The following SEC61A2 variants were observed in gnomAD, a reference collection of about 807,000 sequenced individuals.
SEC61A2 encodes the protein SEC61 translocon subunit alpha 2.
SEC61A2 carries 28 observed loss-of-function variants against 59.9 expected under a neutral mutation model. The ratio of observed to expected loss-of-function variants is 0.47; its 90% confidence interval spans 0.35 to 0.64. The LOEUF (loss-of-function observed/expected upper bound fraction) is 0.64, where lower values mean the gene tolerates loss of function less well. Among genes scored for constraint, SEC61A2 ranks in the 30% least tolerant of loss-of-function variants. The probability of loss-of-function intolerance (pLI) is 0.01; values close to 1 mark genes in which losing one functional copy is unlikely to be tolerated. For synonymous variants in SEC61A2, 202 were observed against 214.4 expected (o/e 0.94, Z 0.50); for missense variants, 340 against 585.9 (o/e 0.58, Z 4.33).
chr10:12,137,960 C>G (rs573147873), intron 3 of SEC61A2, among the ~76,000 whole-genome samples: 12 of 152,254 alleles, frequency 7.9e-5, no homozygotes, highest in Non-Finnish European at 1.6e-4. Flanking sequence ...GAGCTGAGAT[C>G]ACGCCATTGC....
intron 1 of SEC61A2, among the ~76,000 whole-genome samples, chr10:12,131,617 T>C (rs1262116384): frequency 6.6e-6 from 1 of 151,188 alleles, no homozygotes; most frequent in Non-Finnish European, 1.5e-5. Context: ...AGTACTTTTC[T>C]ATTACCTGGG....
chr10:12,132,565 G>T (rs1833779666), intron 1 of SEC61A2, among the ~76,000 whole-genome samples: 1 of 150,734 alleles, frequency 6.6e-6, no homozygotes, highest in African/African-American at 2.5e-5. Flanking sequence ...ACTGAGCCGA[G>T]ATCGTGCCGC....
In SEC61A2 at chr10:12,129,924, G is replaced by A. The variant is rs1221917828; in HGVS notation, c.7+130G>A. Reference sequence around the variant, plus strand: ...TGCGCGGGCCGCTCCGGGCCTCAGCGGAGGGCACGGGCCGGGGGCCTCCGC... The same window carrying A: ...TGCGCGGGCCGCTCCGGGCCTCAGCAGAGGGCACGGGCCGGGGGCCTCCGC... On this transcript the variant is annotated intron_variant, in intron 1 of 11. Transcript: ENST00000298428. This position sits in a 1 kb window ranked among gnomAD's most constrained non-coding sequence, Gnocchi z 5.6. 8 of 832,312 alleles carry A rather than the reference G, an allele frequency of 9.6e-6. No homozygotes were observed. The highest frequency in any genetic ancestry group is 1.3e-5 in the Non-Finnish European group (8 of 608,198). The allele number at this position is 832,312 out of a possible 1,614,324, so 51.6% of individuals were successfully genotyped here. A position where few individuals can be genotyped will look rare whatever the true frequency, so the allele number is the denominator to read the frequency against.
chr10:12,155,371 T>A lies in SEC61A2; in HGVS notation c.463-407T>A. ...AGTGTACATTTCCATCTTGCTATTATACCAGAATTCATCTGACTTTTTACT... is the reference window on the plus strand; with the variant it reads ...AGTGTACATTTCCATCTTGCTATTAAACCAGAATTCATCTGACTTTTTACT... On this transcript the variant is annotated intron_variant, in intron 6 of 11. Coordinates refer to ENST00000298428, the MANE Select transcript of SEC61A2 (RefSeq NM_018144.4). The surrounding 1 kb of genome is among the most constrained non-coding windows in gnomAD (Gnocchi z 4.3). 6.4e-7 allele frequency: 1 copy of A among 1,565,864 alleles called. No homozygotes were observed. The highest frequency in any genetic ancestry group is 8.6e-7 in the Non-Finnish European group (1 of 1,158,654).
In SEC61A2 at chr10:12,149,669, A is replaced by C; in HGVS notation, c.295A>C (p.Ile99Leu). 2.5e-6 allele frequency: 4 copies of C among 1,614,014 alleles called. No homozygotes were observed. In the South Asian group the frequency reaches 4.4e-5, roughly 18 times the overall value. Residue 99 changes from isoleucine to leucine, a missense_variant, in exon 5 of 12, where the codon ATC becomes CTC. This residue lies in a region of SEC61A2 where 283 missense variants were observed against 483.2 expected (regional missense o/e 0.59). Transcript: ENST00000298428. This position sits in a 1 kb window ranked among gnomAD's most constrained non-coding sequence, Gnocchi z 5.2. Reference protein sequence around the residue: ...LIMQLLAGAKIIEVGDTPKDR... With the variant: ...LIMQLLAGAKLIEVGDTPKDR... ...TATGCAGTTGTTAGCTGGAGCCAAA[A>C]TCATTGAAGTTGGAGATACACCGAA...
chr10:12,148,736 A>T (rs1471219449), intron 4 of SEC61A2, among the ~76,000 whole-genome samples: 1 of 139,982 alleles, frequency 7.1e-6, no homozygotes, highest in Non-Finnish European at 1.6e-5. Context: ...GACGGCCAGG[A>T]TGGTCTCAAT....
chr10:12,150,929 C>T (rs989331675), intron 6 of SEC61A2, among the ~76,000 whole-genome samples: 2 of 152,092 alleles, frequency 1.3e-5, no homozygotes, highest in Non-Finnish European at 2.9e-5. Flanking sequence ...TGCCTGCCAC[C>T]ACGCCCAGCT....
intron 6 of SEC61A2, among the ~76,000 whole-genome samples, chr10:12,151,605 C>T (rs966160846): frequency 2.0e-5 from 3 of 151,532 alleles, no homozygotes; most frequent in South Asian, 4.2e-4. Flanking sequence ...CCACTGTGCC[C>T]GGCCAGGTAT....
In SEC61A2 at chr10:12,153,361, A is replaced by C. The variant is rs1374121387; in HGVS notation, c.463-2417A>C. 6.6e-6 allele frequency among the ~76,000 whole-genome samples: 1 copy of C among 152,190 alleles called. No homozygotes were observed. The highest frequency in any genetic ancestry group is 1.5e-5 in the Non-Finnish European group (1 of 68,046). ...TTTTTAGAAGACACTTAGAACTGGCATGTAGCTCGTAGAACATTATACATC... is the reference window on the plus strand; with the variant it reads ...TTTTTAGAAGACACTTAGAACTGGCCTGTAGCTCGTAGAACATTATACATC... On this transcript the variant is annotated intron_variant, in intron 6 of 11. Transcript: ENST00000298428. This position sits in a 1 kb window ranked among gnomAD's most constrained non-coding sequence, Gnocchi z 5.2.
downstream of SEC61A2, chr10:12,167,585 C>CT (rs1834734037): frequency 1.0e-6 from 1 of 979,030 alleles, no homozygotes; most frequent in Admixed American, 2.3e-5. Flanking sequence ...CTGTTCTGTG[C>CT]TTTTATTTTA....
chr10:12,166,462 T>G, downstream of SEC61A2: 1 of 237,262 alleles, frequency 4.2e-6, no homozygotes, highest in South Asian at 4.8e-5. Context: ...ATTTCCATAA[T>G]TGTTTTATCT....
chr10:12,156,401 A>C lies in SEC61A2; in HGVS notation c.616+470A>C, dbSNP rs1834396773. On this transcript the variant is annotated intron_variant, in intron 7 of 11. Coordinates refer to ENST00000298428, the MANE Select transcript of SEC61A2 (RefSeq NM_018144.4). This position sits in a 1 kb window ranked among gnomAD's most constrained non-coding sequence, Gnocchi z 5.2. ...TTTCATTCTCTCTTTCCCCTTCCTC[A>C]TCTCCACTTCTAACAGATACTGTCC... Among the ~76,000 whole-genome samples, 1 of 152,166 alleles carries C rather than the reference A, an allele frequency of 6.6e-6. No homozygotes were observed. Among genetic ancestry groups the C allele is most frequent in the African/African-American group, 2.4e-5 (1 of 41,436 alleles).
rs375525050 is a variant in SEC61A2, at chr10:12,162,340, T to C, written c.1244+51T>C. The C allele has an allele frequency of 1.2e-5, 17 of 1,400,700 alleles. No individual in the cohort carries two copies. Among genetic ancestry groups the C allele is most frequent in the East Asian group, 2.3e-5 (1 of 43,802 alleles). 86.8% of individuals were successfully genotyped at this position (1,400,700 alleles called of 1,614,324 possible). ...ATAGGCCTGTGTTTGTGTTTCAGTC[T>C]TTCAGTGTTGGCTAAATGTTTTTCT... On this transcript the variant is annotated intron_variant, in intron 11 of 11. Coordinates refer to ENST00000298428, the MANE Select transcript of SEC61A2 (RefSeq NM_018144.4). This position sits in a 1 kb window ranked among gnomAD's most constrained non-coding sequence, Gnocchi z 6.1.
intron 2 of SEC61A2, among the ~76,000 whole-genome samples, chr10:12,134,153 C>T (rs1833827355): frequency 6.6e-6 from 1 of 152,200 alleles, no homozygotes; most frequent in African/African-American, 2.4e-5. Flanking sequence ...ACTACAGGCG[C>T]CCACCACCAT....
chr10:12,133,132 G>A (rs1833800523), intron 1 of SEC61A2, 109 bp from the exon 2 acceptor site: 2 of 590,126 alleles, frequency 3.4e-6, no homozygotes, highest in South Asian at 2.2e-5. Flanking sequence ...GGGCTTAAGG[G>A]TGGGGTGAAT....
In SEC61A2 at chr10:12,164,295, C is replaced by T. The variant is rs201255662; in HGVS notation, c.1272C>T (p.Gly424=). Residue 424 remains glycine (G), a synonymous_variant, in exon 12 of 12, where the codon GGC becomes GGT. Transcript: ENST00000298428. The surrounding 1 kb of genome is among the most constrained non-coding windows in gnomAD (Gnocchi z 7.3). ...ACATCCCCACCGCAGCTGCGTTTGGCGGTTTGTGCATTGGCGCCCTGTCAG... is the reference window on the plus strand; with the variant it reads ...ACATCCCCACCGCAGCTGCGTTTGGTGGTTTGTGCATTGGCGCCCTGTCAG... ...NRYIPTAAAF[G]GLCIGALSVL... The T allele has an allele frequency of 3.2e-5, 51 of 1,613,308 alleles. 1 individual carries two copies. Among genetic ancestry groups the T allele is most frequent in the Non-Finnish European group, 1.9e-5 (23 of 1,179,996 alleles).
In SEC61A2 at chr10:12,153,907, GT is replaced by G; in HGVS notation, c.463-1868del. ...GTGGTTAGTGTTTTTCAGCTAGTGA[GT>G]TTAGAAATCTACATAGCAGGTCTTG... On this transcript the variant is annotated intron_variant, in intron 6 of 11. Transcript: ENST00000298428. The surrounding 1 kb of genome is among the most constrained non-coding windows in gnomAD (Gnocchi z 5.2). 1.7e-6 allele frequency: 2 copies of G among 1,211,674 alleles called. No homozygotes were observed. Among genetic ancestry groups the G allele is most frequent in the Non-Finnish European group, 2.2e-6 (2 of 897,286 alleles). The allele number at this position is 1,211,674 out of a possible 1,614,324, so 75.1% of individuals were successfully genotyped here.
At position 12,162,345 on chromosome 10, in the gene SEC61A2, G is replaced by A; in HGVS notation, c.1244+56G>A. ...CCTGTGTTTGTGTTTCAGTCTTTCA[G>A]TGTTGGCTAAATGTTTTTCTTTGTT... On this transcript the variant is annotated intron_variant, in intron 11 of 11. Coordinates refer to ENST00000298428, the MANE Select transcript of SEC61A2 (RefSeq NM_018144.4). This position sits in a 1 kb window ranked among gnomAD's most constrained non-coding sequence, Gnocchi z 6.1. 4 of 1,361,466 alleles carry A rather than the reference G, an allele frequency of 2.9e-6. No homozygotes were observed. Among genetic ancestry groups the A allele is most frequent in the South Asian group, 1.2e-5 (1 of 86,022 alleles). 84.3% of individuals were successfully genotyped at this position (1,361,466 alleles called of 1,614,324 possible). A position where few individuals can be genotyped will look rare whatever the true frequency, so the allele number is the denominator to read the frequency against.
At position 12,152,749 on chromosome 10, in the gene SEC61A2, A is replaced by T. The variant is rs1178748789; in HGVS notation, c.462+2788A>T. ...CTCTACCAAAAATACAAAAATTAGC[A>T]GGGCGTGGTGGCAGGAGCCTGTAGT... On this transcript the variant is annotated intron_variant, in intron 6 of 11. Coordinates refer to ENST00000298428, the MANE Select transcript of SEC61A2 (RefSeq NM_018144.4). This position sits in a 1 kb window ranked among gnomAD's most constrained non-coding sequence, Gnocchi z 5.5. Among the ~76,000 whole-genome samples the T allele has an allele frequency of 6.6e-6, 1 of 151,936 alleles. No homozygotes were observed. The highest frequency in any genetic ancestry group is 1.5e-5 in the Non-Finnish European group (1 of 67,946).
Sources: allele counts gnomAD v4.1 joint callset (sites outside exome capture counted in the v4.1 genomes callset), GRCh38; gene constraint gnomAD v4.1.1; regional missense constraint gnomAD v4.1.1; non-coding constraint Gnocchi (gnomAD v3.1); transcripts MANE v1.5; gene names NCBI Gene and HGNC (gene_info 2026-07-23, HGNC 2026-07-21).